GBE1: variants seen among roughly 807,000 people sequenced by gnomAD.
The protein encoded by GBE1 is 1,4-alpha-glucan-branching enzyme.
Under a neutral mutation model 88.8 loss-of-function variants are expected in GBE1, and 70 were observed. That is an observed-to-expected ratio of 0.79 (90% CI 0.65 to 0.96). The LOEUF is 0.96. Among genes scored for constraint, GBE1 ranks in the 40% least tolerant of loss-of-function variants. GBE1 has a pLI of 0.00. For synonymous variants in GBE1, 284 were observed against 300.1 expected (o/e 0.95, Z 0.56); for missense variants, 872 against 871.0 (o/e 1.00, Z -0.01).
chr3:81,632,449 GA>G (rs547193414), intron 7 of GBE1, among the ~76,000 whole-genome samples: 2 of 151,616 alleles, frequency 1.3e-5, no homozygotes, highest in Non-Finnish European at 1.5e-5. Flanking sequence ...CAACAAAGAT[GA>G]AAAAAAAGCT....
intron 1 of GBE1, among the ~76,000 whole-genome samples, chr3:81,732,877 T>C (rs781376166): frequency 8.5e-5 from 13 of 152,180 alleles, no homozygotes; most frequent in Non-Finnish European, 1.3e-4. Flanking sequence ...CAAGTATTTG[T>C]GGTGTCATCT....
chr3:81,507,871 T>A (rs1421611774), intron 14 of GBE1, among the ~76,000 whole-genome samples: 1 of 152,110 alleles, frequency 6.6e-6, no homozygotes, highest in African/African-American at 2.4e-5. Flanking sequence ...TCTATTATAG[T>A]CTAGGATGTG....
chr3:81,649,512 T>A (rs1409016075), intron 4 of GBE1, among the ~76,000 whole-genome samples: 1 of 149,648 alleles, frequency 6.7e-6, no homozygotes, highest in African/African-American at 2.5e-5. Context: ...AATTGTAGTT[T>A]AAAAAAAAAA....
At chr3:81,639,485 G>C (rs1431533832) in intron 7 of GBE1, among the ~76,000 whole-genome samples, 1 of 151,904 alleles carries the variant, frequency 6.6e-6, no homozygotes, top group Admixed American at 6.6e-5. Context: ...TATTCGTTGT[G>C]TGTGGTTAAA....
At chr3:81,502,481 G>A (rs1378472483) in intron 14 of GBE1, among the ~76,000 whole-genome samples, 1 of 152,080 alleles carries the variant, frequency 6.6e-6, no homozygotes, top group Non-Finnish European at 1.5e-5. Context: ...ATTGCCCAGG[G>A]AACACAATAG....
At chr3:81,561,734 A>G (rs1167233726) in intron 12 of GBE1, among the ~76,000 whole-genome samples, 2 of 152,040 alleles carry the variant, frequency 1.3e-5, no homozygotes, top group Non-Finnish European at 2.9e-5. Context: ...AATCTCCTGC[A>G]AAACCCTTCA....
At chr3:81,737,639 A>C in intron 1 of GBE1, among the ~76,000 whole-genome samples, 1 of 151,206 alleles carries the variant, frequency 6.6e-6, no homozygotes, top group Non-Finnish European at 1.5e-5. Flanking sequence ...CTAATTTAAA[A>C]ACTGGTACTT....
chr3:81,656,729 T>C (rs1290251648), intron 3 of GBE1, among the ~76,000 whole-genome samples: 1 of 152,162 alleles, frequency 6.6e-6, no homozygotes, highest in Non-Finnish European at 1.5e-5. Context: ...TCCCAAAAAG[T>C]AGACAAATAT....
rs1177082165 is a variant in GBE1, at chr3:81,761,313, C to G, written c.143+62G>C. ...GAGGGCCGAGGGGCGGCCCGTGTCC[C>G]GAGACGGCTCCTGGGAGGCGGGCTG... On this transcript the variant is annotated intron_variant, in intron 1 of 15. Transcript: ENST00000429644. The G allele has an allele frequency of 3.2e-6, 5 of 1,545,446 alleles. No homozygotes were observed. The Admixed American group carries it at 5.5e-5, about 17-fold the overall frequency.
chr3:81,574,595 C>T (rs1449916299), intron 12 of GBE1, among the ~76,000 whole-genome samples: 4 of 152,082 alleles, frequency 2.6e-5, no homozygotes, highest in Non-Finnish European at 2.9e-5. Flanking sequence ...AGATACTGAT[C>T]TCAGAGTAAT....
At chr3:81,735,632 T>A (rs1472790312) in intron 1 of GBE1, among the ~76,000 whole-genome samples, 1 of 152,198 alleles carries the variant, frequency 6.6e-6, no homozygotes. Context: ...CCCCCAGGGA[T>A]TAATCCAGGA....
At chr3:81,612,297 G>A in intron 7 of GBE1, 1 of 799,896 alleles carries the variant, frequency 1.3e-6, no homozygotes, top group Admixed American at 2.4e-5. Context: ...GCTTTATTCT[G>A]CGTTTGACTT....
At chr3:81,674,512 C>A (rs939993290) in intron 2 of GBE1, among the ~76,000 whole-genome samples, 1 of 151,736 alleles carries the variant, frequency 6.6e-6, no homozygotes, top group Non-Finnish European at 1.5e-5. Context: ...TAAAATTCAA[C>A]CTCAAATTAT....
intron 14 of GBE1, among the ~76,000 whole-genome samples, chr3:81,513,516 T>A (rs972113208): frequency 6.6e-6 from 1 of 151,398 alleles, no homozygotes; most frequent in Non-Finnish European, 1.5e-5. Flanking sequence ...GGCAAATATA[T>A]CCTCGTTTTG....
chr3:81,750,548 T>TAG lies in GBE1; in HGVS notation c.143+10826_143+10827insCT, dbSNP rs1392927494. Among the ~76,000 whole-genome samples the TAG allele has an allele frequency of 4.7e-5, 4 of 84,288 alleles. No individual in the cohort carries two copies. In the South Asian group the frequency reaches 1.2e-3, roughly 25 times the overall value. 55.3% of individuals were successfully genotyped at this position (84,288 alleles called of 152,430 possible). A position where few individuals can be genotyped will look rare whatever the true frequency, so the allele number is the denominator to read the frequency against. On this transcript the variant is annotated intron_variant, in intron 1 of 15. Coordinates refer to ENST00000429644, the MANE Select transcript of GBE1 (RefSeq NM_000158.4). ...TCATATATATATATACGTATATATA[T>TAG]ATGTATATATATATGTATATATATA...
intron 2 of GBE1, among the ~76,000 whole-genome samples, chr3:81,683,159 A>G (rs1340465551): frequency 6.6e-6 from 1 of 152,222 alleles, no homozygotes; most frequent in Non-Finnish European, 1.5e-5. Context: ...AATGAACTGT[A>G]ATAATGGTTG....
At chr3:81,540,407 T>C (rs1194104778) in intron 12 of GBE1, among the ~76,000 whole-genome samples, 1 of 152,054 alleles carries the variant, frequency 6.6e-6, no homozygotes, top group East Asian at 1.9e-4. Context: ...ATTTCCAAGT[T>C]AGCAAGACTT....
chr3:81,677,673 T>C (rs1705280557), intron 2 of GBE1, among the ~76,000 whole-genome samples: 1 of 152,126 alleles, frequency 6.6e-6, no homozygotes, highest in South Asian at 2.1e-4. Context: ...TTCTGACATA[T>C]TGCCCTGTGC....
At chr3:81,525,721 G>A (rs533740317) in intron 14 of GBE1, among the ~76,000 whole-genome samples, 4 of 152,000 alleles carry the variant, frequency 2.6e-5, no homozygotes, top group Admixed American at 2.6e-4. Flanking sequence ...CCTGTTATTG[G>A]TCTATTCAGA....
Sources: allele counts gnomAD v4.1 joint callset (sites outside exome capture counted in the v4.1 genomes callset), GRCh38; gene constraint gnomAD v4.1.1; transcripts MANE v1.5; gene names NCBI Gene and HGNC (gene_info 2026-07-23, HGNC 2026-07-21).